TCEA3: variants seen among roughly 807,000 people sequenced by gnomAD.
TCEA3 encodes the protein transcription elongation factor A protein 3.
In TCEA3, 36 loss-of-function variants were observed where a neutral mutation model predicts 44.0. That is an observed-to-expected ratio of 0.82 (90% confidence interval 0.63 to 1.08). The LOEUF (loss-of-function observed/expected upper bound fraction) is 1.08. Ranked by LOEUF, TCEA3 falls within the 50% of genes least tolerant of loss-of-function variation. The probability of loss-of-function intolerance (pLI) is 0.00; values close to 1 mark genes in which losing one functional copy is unlikely to be tolerated. For synonymous variants in TCEA3, 162 were observed against 159.7 expected (o/e 1.01, Z -0.11); for missense variants, 392 against 441.2 (o/e 0.89, Z 1.00).
rs78694589 is a variant in TCEA3 at position 23,400,550 on chromosome 1, T to C, written c.444-2595A>G. On this transcript the variant is annotated intron_variant, in intron 5 of 10. Transcript: ENST00000450454. The stretch of plus-strand genomic sequence containing the variant: ...GCACAACTCCCTCCCTCCCAAGATG[T>C]TTTTGCACTATTCTTTAGGGTAGGA... Among the ~76,000 whole-genome samples the C allele has an allele frequency of 7.8e-3, 1,188 of 152,168 alleles. 22 individuals are homozygous for C. The highest frequency in any genetic ancestry group is 0.026 in the African/African-American group (1,098 of 41,482).
intron 4 of TCEA3, among the ~76,000 whole-genome samples, chr1:23,416,813 A>G (rs1421160233): frequency 6.6e-6 from 1 of 152,144 alleles, no homozygotes; most frequent in African/African-American, 2.4e-5. Context: ...ATAAGTGGCT[A>G]TTGCCTTTGC....
At chr1:23,395,091 G>A (rs536211762) in intron 7 of TCEA3, among the ~76,000 whole-genome samples, 2 of 152,356 alleles carry the variant, frequency 1.3e-5, no homozygotes, top group South Asian at 4.1e-4. Flanking sequence ...TGCTAGAAGT[G>A]GTGGGAGGGG....
At chr1:23,385,529 C>G (rs1231267499) in intron 9 of TCEA3, among the ~76,000 whole-genome samples, 1 of 152,266 alleles carries the variant, frequency 6.6e-6, no homozygotes, top group Non-Finnish European at 1.5e-5. Flanking sequence ...CTCCAAGGGA[C>G]TCCTCCGGAA....
chr1:23,424,145 G>A (rs1347668816), intron 1 of TCEA3, among the ~76,000 whole-genome samples: 1 of 151,444 alleles, frequency 6.6e-6, no homozygotes, highest in African/African-American at 2.4e-5. Context: ...CCACTTCTCG[G>A]GCCACCCGGA....
intron 2 of TCEA3, among the ~76,000 whole-genome samples, chr1:23,418,674 ATCTG>A (rs1393276545): frequency 2.0e-5 from 3 of 152,096 alleles, no homozygotes; most frequent in African/African-American, 7.2e-5. Flanking sequence ...GAGACCTTGC[ATCTG>A]TCTGTGCTGA....
intron 1 of TCEA3, among the ~76,000 whole-genome samples, chr1:23,420,890 C>G (rs1460656371): frequency 6.6e-6 from 1 of 152,176 alleles, no homozygotes; most frequent in Non-Finnish European, 1.5e-5. Flanking sequence ...AGAAGCCATA[C>G]CTGCCTGCTG....
At chr1:23,405,543 C>T (rs1284615568) in intron 5 of TCEA3, among the ~76,000 whole-genome samples, 1 of 151,866 alleles carries the variant, frequency 6.6e-6, no homozygotes, top group African/African-American at 2.4e-5. Flanking sequence ...TTGCACTGAG[C>T]CGAGATCGTG....
At chr1:23,400,579 A>T (rs1157763395) in intron 5 of TCEA3, among the ~76,000 whole-genome samples, 2 of 152,170 alleles carry the variant, frequency 1.3e-5, no homozygotes, top group Non-Finnish European at 2.9e-5. Context: ...GGTAGGAGCC[A>T]GGAAGTCAGG....
chr1:23,401,750 C>G (rs1287959528), intron 5 of TCEA3, among the ~76,000 whole-genome samples: 1 of 152,178 alleles, frequency 6.6e-6, no homozygotes, highest in Non-Finnish European at 1.5e-5. Context: ...CTCTAACCCT[C>G]CAACACAGGG....
intron 5 of TCEA3, chr1:23,404,214 C>A: frequency 1.4e-6 from 1 of 701,900 alleles, no homozygotes; most frequent in South Asian, 1.5e-5. Flanking sequence ...TGAGAACAGT[C>A]AACTTTCTCC....
chr1:23,417,296 T>C lies in TCEA3; in HGVS notation c.333A>G (p.Glu111=), dbSNP rs764710088. The part of the protein sequence containing the change: ...KGLECSDWKP[E]AGLSPPRKKR... ...TTTTCCTTGGTGGAGAAAGGCCTGC[T>C]TCTGGCTTCCAGTCTGAACACTCAA... The change falls in exon 4 of 11, where the codon GAA becomes GAG. Residue 111 remains glutamate, a synonymous_variant. Coordinates refer to ENST00000450454, the MANE Select transcript of TCEA3 (RefSeq NM_003196.3). 1.9e-6 allele frequency: 3 copies of C among 1,614,086 alleles called. No homozygotes were observed. The highest frequency in any genetic ancestry group is 2.2e-5 in the South Asian group (2 of 91,090).
chr1:23,398,786 G>T (rs1322984250), intron 5 of TCEA3, among the ~76,000 whole-genome samples: 3 of 149,434 alleles, frequency 2.0e-5, no homozygotes, highest in Non-Finnish European at 4.5e-5. Flanking sequence ...TTGAGACAGG[G>T]TCTCTCTCTC....
Position 23,397,937 on chromosome 1 carries a change from T to C in TCEA3, c.462A>G (p.Ser154=), listed in dbSNP as rs1558040781. Residue 154 remains serine, a synonymous_variant, in exon 6 of 11, where the codon TCA becomes TCG. Transcript: ENST00000450454. Reference sequence around the variant, plus strand: ...TAGGTGTTTTGGGGCTCTCCGCTTTTGATTTGCTGCTGTTTGATCTGAGGA... The same window carrying C: ...TAGGTGTTTTGGGGCTCTCCGCTTTCGATTTGCTGCTGTTTGATCTGAGGA... ...PSVERSNSSK[S]KAESPKTPSS... is the part of the protein sequence containing the mutation. 1 of 1,613,802 alleles carries C rather than the reference T, an allele frequency of 6.2e-7. No homozygotes were observed. The highest frequency in any genetic ancestry group is 8.5e-7 in the Non-Finnish European group (1 of 1,179,834).
At chr1:23,408,047 T>C (rs941038342) in intron 5 of TCEA3, among the ~76,000 whole-genome samples, 3 of 152,238 alleles carry the variant, frequency 2.0e-5, no homozygotes, top group East Asian at 3.9e-4. Flanking sequence ...CTGCAACCTC[T>C]GCCTCCTGGG....
Position 23,387,281 on chromosome 1 carries a change from A to AG in TCEA3, c.957dup (p.Tyr320LeufsTer2), listed in dbSNP as rs1265006159. 5 of 1,613,730 alleles carry AG rather than the reference A, an allele frequency of 3.1e-6. No individual in the cohort carries two copies. In the South Asian group the frequency reaches 4.4e-5, roughly 14 times the overall value. ...CCCCTCACTGTCCTTACCTGGTTATAGGTGCAGTTCTTCTTCTTGCATTTG... is the reference window on the plus strand; with the variant it reads ...CCCCTCACTGTCCTTACCTGGTTATAGGGTGCAGTTCTTCTTCTTGCATTTG... On this transcript the variant is annotated frameshift_variant, in exon 9 of 11. Coordinates refer to ENST00000450454, the MANE Select transcript of TCEA3 (RefSeq NM_003196.3). LOFTEE classifies it high-confidence loss of function.
chr1:23,387,216 C>T (rs1638871420), intron 9 of TCEA3, 57 bp downstream of exon 9: 3 of 1,579,488 alleles, frequency 1.9e-6, no homozygotes, highest in African/African-American at 2.7e-5. Flanking sequence ...TCTGATTTTC[C>T]ACCTCTATGC....
rs181272080 is a variant in TCEA3, at chr1:23,389,460, G to A, written c.820-2041C>T. ...GCTGAGACTGCACCATTGCACTCCC[G>A]CCTGGGCAACAACAGCGAGATTCCA... On this transcript the variant is annotated intron_variant, in intron 8 of 10. Transcript: ENST00000450454. Among the ~76,000 whole-genome samples, 6 of 147,022 alleles carry A rather than the reference G, an allele frequency of 4.1e-5. 1 individual carries two copies. The East Asian group carries it at 8.1e-4, about 20-fold the overall frequency.
At chr1:23,423,567 C>T (rs1052799843) in intron 1 of TCEA3, among the ~76,000 whole-genome samples, 1 of 152,180 alleles carries the variant, frequency 6.6e-6, no homozygotes, top group African/African-American at 2.4e-5. Flanking sequence ...TCCCAGGCTC[C>T]TAAGTGTCCT....
intron 8 of TCEA3, among the ~76,000 whole-genome samples, chr1:23,391,939 A>G (rs1446038885): frequency 6.6e-6 from 1 of 151,972 alleles, no homozygotes; most frequent in Admixed American, 6.6e-5. Context: ...CAAGCAAACA[A>G]AAAAAAAGAA....
Sources: allele counts gnomAD v4.1 joint callset (sites outside exome capture counted in the v4.1 genomes callset), GRCh38; gene constraint gnomAD v4.1.1; transcripts MANE v1.5; gene names NCBI Gene and HGNC (gene_info 2026-07-23, HGNC 2026-07-21).